Variants in FIGNL1 observed in about 807,000 individuals in gnomAD.
FIGNL1 encodes fidgetin like 1.
FIGNL1 carries 11 observed loss-of-function variants against 28.9 expected under a neutral mutation model. The ratio of observed to expected loss-of-function variants is 0.38; its 90% confidence interval spans 0.24 to 0.63. The LOEUF (loss-of-function observed/expected upper bound fraction) is 0.63. Among genes scored for constraint, FIGNL1 ranks in the 20% least tolerant of loss-of-function variants. The probability of loss-of-function intolerance (pLI) is 0.57; values close to 1 mark genes in which losing one functional copy is unlikely to be tolerated. For synonymous variants in FIGNL1, 295 were observed against 276.5 expected, an observed-to-expected ratio of 1.07 and a Z score of -0.66; for missense variants, 789 against 810.4, an observed-to-expected ratio of 0.97 and a Z score of 0.32.
At position 50,447,008 on chromosome 7, in the gene FIGNL1, G is replaced by A; in HGVS notation, c.280C>T (p.Gln94Ter). Residue 94 changes from glutamine (Q) to a stop codon, truncating the protein, a stop_gained, in exon 4 of 4, where the codon CAA becomes TAA. Coordinates refer to ENST00000433017, the MANE Select transcript of FIGNL1 (RefSeq NM_001287492.4). LOFTEE classifies it low-confidence loss of function (END_TRUNC). ...GACTGCCACTTGTCACTATCTGTTTGTTGAGATCCTGCCAAAGTTAAAATG... is the reference window on the plus strand; with the variant it reads ...GACTGCCACTTGTCACTATCTGTTTATTGAGATCCTGCCAAAGTTAAAATG... ...ENILTLAGSQ[Q>*]TDSDKWQSGL... 6.2e-7 allele frequency: 1 copy of A among 1,614,204 alleles called. No homozygotes were observed. The highest frequency in any genetic ancestry group is 1.1e-5 in the South Asian group (1 of 91,086).
At chr7:50,449,816 T>C (rs1821666249) in intron 1 of FIGNL1, 93 bp from the exon 2 acceptor site, 1 of 152,268 alleles carries the variant, frequency 6.6e-6, no homozygotes, top group African/African-American at 2.4e-5. Context: ...GAAAATACTC[T>C]ATAAAATACT....
chr7:50,447,685 G>A (rs1204421672), intron 3 of FIGNL1, among the ~76,000 whole-genome samples: 2 of 152,214 alleles, frequency 1.3e-5, no homozygotes, highest in Non-Finnish European at 2.9e-5. Flanking sequence ...ATAAAACTAG[G>A]TGAATGAGCT....
Position 50,446,599 on chromosome 7 carries a change from C to G in FIGNL1, c.689G>C (p.Ser230Thr), listed in dbSNP as rs144297981. Reference protein sequence around the residue: ...LFGNVKKENHSSAKENIGLNV... With the variant: ...LFGNVKKENHTSAKENIGLNV... ...AAGTCCTATGTTTTCTTTTGCAGAG[C>G]TGTGATTTTCCTTTTTGACATTTCC... Residue 230 changes from serine (S) to threonine (T), a missense_variant, in exon 4 of 4, where the codon AGC becomes ACC. By Grantham distance (58) the Ser-to-Thr change is moderately conservative. Coordinates refer to ENST00000433017, the MANE Select transcript of FIGNL1 (RefSeq NM_001287492.4). The G allele has an allele frequency of 6.2e-7, 1 of 1,614,120 alleles. No homozygotes were observed. Among genetic ancestry groups the G allele is most frequent in the East Asian group, 2.2e-5 (1 of 44,888 alleles).
Position 50,446,846 on chromosome 7 carries a change from G to T in FIGNL1, c.442C>A (p.Leu148Ile). Residue 148 changes from leucine to isoleucine, a missense_variant, in exon 4 of 4, where the codon CTT becomes ATT. Leu to Ile is a conservative substitution (Grantham distance 5). Coordinates refer to ENST00000433017, the MANE Select transcript of FIGNL1 (RefSeq NM_001287492.4). The part of the protein sequence containing the change: ...VIHKEATVFD[L>I]PKFSVCGSSQ... ...CTACCACAAACACTAAATTTAGGAA[G>T]ATCAAAGACAGTGGCCTCCTTATGG... is the stretch of plus-strand genomic sequence containing the variant. The T allele has an allele frequency of 6.2e-7, 1 of 1,614,122 alleles. No individual in the cohort carries two copies. The highest frequency in any genetic ancestry group is 2.2e-5 in the East Asian group (1 of 44,884).
In FIGNL1 at chr7:50,445,217, T is replaced by A; in HGVS notation, c.*46A>T. On this transcript the variant is annotated 3_prime_UTR_variant, in exon 4 of 4. Coordinates refer to ENST00000433017, the MANE Select transcript of FIGNL1 (RefSeq NM_001287492.4). Reference sequence around the variant, plus strand: ...ATCCCCAACTTTCTATGCTAAAAAATAAAGAAGACTGTACTACAGAGATGC... The same window carrying A: ...ATCCCCAACTTTCTATGCTAAAAAAAAAAGAAGACTGTACTACAGAGATGC... The A allele has an allele frequency of 8.2e-7, 1 of 1,223,856 alleles. No homozygotes were observed. Among genetic ancestry groups the A allele is most frequent in the East Asian group, 2.5e-5 (1 of 40,338 alleles). 75.8% of individuals were successfully genotyped at this position (1,223,856 alleles called of 1,614,324 possible).
In FIGNL1 at chr7:50,446,942, G is replaced by T. The variant is rs1417771834; in HGVS notation, c.346C>A (p.Gln116Lys). ...TTTTTGCCAGCTTGCATCATCTTCTGTACACTACTCATTTTGAAAACATTA... is the reference window on the plus strand; with the variant it reads ...TTTTTGCCAGCTTGCATCATCTTCTTTACACTACTCATTTTGAAAACATTA... ...INNVFKMSSV[Q>K]KMMQAGKKFK... Residue 116 changes from glutamine to lysine, a missense_variant, in exon 4 of 4, where the codon CAG becomes AAG. Coordinates refer to ENST00000433017, the MANE Select transcript of FIGNL1 (RefSeq NM_001287492.4). 1 of 1,614,034 alleles carries T rather than the reference G, an allele frequency of 6.2e-7. No homozygotes were observed. Among genetic ancestry groups the T allele is most frequent in the African/African-American group, 1.3e-5 (1 of 74,922 alleles).
rs769903405 is a variant in FIGNL1 at position 50,446,260 on chromosome 7, G to A, written c.1028C>T (p.Pro343Leu). Residue 343 changes from proline (P) to leucine (L), a missense_variant, in exon 4 of 4, where the codon CCT becomes CTT. Transcript: ENST00000433017. ...SRGILGKFVPPIPKQDGGEQN... is the reference protein window; with the variant it reads ...SRGILGKFVPLIPKQDGGEQN... ...CTCTCCCCCATCTTGCTTGGGTATA[G>A]GAGGAACAAACTTTCCAAGTATCCC... 2 of 1,614,116 alleles carry A rather than the reference G, an allele frequency of 1.2e-6. No homozygotes were observed. The highest frequency in any genetic ancestry group is 1.7e-6 in the Non-Finnish European group (2 of 1,180,036).
chr7:50,446,569 A>G lies in FIGNL1; in HGVS notation c.719T>C (p.Val240Ala). 1.9e-6 allele frequency: 3 copies of G among 1,614,168 alleles called. No individual in the cohort carries two copies. The highest frequency in any genetic ancestry group is 2.7e-5 in the African/African-American group (2 of 75,056). ...SSAKENIGLN[V>A]FLSNQSCFPA... ...AAAACAAGACTGGTTAGATAAGAAC[A>G]CATTAAGTCCTATGTTTTCTTTTGC... Residue 240 changes from valine (V) to alanine (A), a missense_variant, in exon 4 of 4, where the codon GTG (valine) becomes GCG (alanine). Val to Ala is a moderately conservative substitution (Grantham distance 64). Coordinates refer to ENST00000433017, the MANE Select transcript of FIGNL1 (RefSeq NM_001287492.4).
Position 50,446,753 on chromosome 7 carries a change from T to G in FIGNL1, c.535A>C (p.Ser179Arg), listed in dbSNP as rs1010210214. 6.2e-7 allele frequency: 1 copy of G among 1,614,206 alleles called. No homozygotes were observed. Among genetic ancestry groups the G allele is most frequent in the Middle Eastern group, 1.6e-4 (1 of 6,062 alleles). The change falls in exon 4 of 4, where the codon AGC becomes CGC. Residue 179 changes from serine (S) to arginine (R), a missense_variant. Physicochemically the swap from Ser to Arg is moderately radical, Grantham distance 110. Transcript: ENST00000433017. Reference sequence around the variant, plus strand: ...TTCTGAAGGAGTTTCAAACGATTGCTCTCCGGGAAGTCTTGGGTCCGGTCT... The same window carrying G: ...TTCTGAAGGAGTTTCAAACGATTGCGCTCCGGGAAGTCTTGGGTCCGGTCT... ...DRDRTQDFPE[S>R]NRLKLLQNAQ...
At position 50,446,760 on chromosome 7, in the gene FIGNL1, G is replaced by C. The variant is rs529394194; in HGVS notation, c.528C>G (p.Phe176Leu). Residue 176 changes from phenylalanine (F) to leucine (L), a missense_variant, in exon 4 of 4, where the codon TTC becomes TTG. Phe to Leu is a conservative substitution (Grantham distance 22). Transcript: ENST00000433017. ...SAHDRDRTQD[F>L]PESNRLKLLQ... is the part of the protein sequence containing the mutation. ...GGAGTTTCAAACGATTGCTCTCCGG[G>C]AAGTCTTGGGTCCGGTCTCGATCAT... The C allele has an allele frequency of 6.2e-7, 1 of 1,614,168 alleles. No individual in the cohort carries two copies. The highest frequency in any genetic ancestry group is 8.5e-7 in the Non-Finnish European group (1 of 1,180,042).
At chr7:50,448,074 C>G (rs902874435) in intron 3 of FIGNL1, 107 bp downstream of exon 3, 2 of 152,312 alleles carry the variant, frequency 1.3e-5, no homozygotes, top group African/African-American at 4.8e-5. Context: ...TGAGAGGAAC[C>G]ATTGGAAGAA....
Position 50,446,184 on chromosome 7 carries a change from TG to T in FIGNL1, c.1103del (p.Pro368GlnfsTer9). The T allele has an allele frequency of 1.2e-6, 2 of 1,614,234 alleles. No individual in the cohort carries two copies. Among genetic ancestry groups the T allele is most frequent in the Non-Finnish European group, 1.7e-6 (2 of 1,180,030 alleles). On this transcript the variant is annotated frameshift_variant, in exon 4 of 4. Coordinates refer to ENST00000433017, the MANE Select transcript of FIGNL1 (RefSeq NM_001287492.4). LOFTEE classifies it high-confidence loss of function. Reference protein sequence around the residue: ...CKPYGAGPTEPAHPVDERLKN... With the variant: ...CKPYGAGPTEXAHPVDERLKN... ...TCAGACGCTCATCAACTGGATGTGC[TG>T]GTTCTGTAGGTCCTGCCCCATAAGG... is the stretch of plus-strand genomic sequence containing the variant.
At position 50,447,231 on chromosome 7, in the gene FIGNL1, G is replaced by A. The variant is rs369809251; in HGVS notation, c.57C>T (p.Phe19=). The stretch of plus-strand genomic sequence containing the variant: ...CGGTACATATGCCAGATGTAATTGC[G>A]AAGTAATTCTTCTGCCATTCACTCA... ...VHLSEWQKNY[F]AITSGICTGP... is the part of the protein sequence containing the mutation. The change falls in exon 4 of 4, where the codon TTC becomes TTT. Residue 19 remains phenylalanine, a synonymous_variant. Coordinates refer to ENST00000433017, the MANE Select transcript of FIGNL1 (RefSeq NM_001287492.4). 30 of 1,610,948 alleles carry A rather than the reference G, an allele frequency of 1.9e-5. No homozygotes were observed. The highest frequency in any genetic ancestry group is 2.7e-5 in the African/African-American group (2 of 74,864).
Position 50,446,408 on chromosome 7 carries a change from T to C in FIGNL1, c.880A>G (p.Thr294Ala), listed in dbSNP as rs761247655. Residue 294 changes from threonine to alanine, a missense_variant, in exon 4 of 4, where the codon ACA (threonine) becomes GCA (alanine). By Grantham distance (58) the Thr-to-Ala change is moderately conservative. Coordinates refer to ENST00000433017, the MANE Select transcript of FIGNL1 (RefSeq NM_001287492.4). ...AATTGTTCTTTTGCAGTTTTAAATGTAGGCAGGCTGCTATCCTCCTTTGGG... is the reference window on the plus strand; with the variant it reads ...AATTGTTCTTTTGCAGTTTTAAATGCAGGCAGGCTGCTATCCTCCTTTGGG... The part of the protein sequence containing the change: ...NGPKEDSSLP[T>A]FKTAKEQLWV... The C allele has an allele frequency of 1.2e-6, 2 of 1,614,186 alleles. No individual in the cohort carries two copies. Among genetic ancestry groups the C allele is most frequent in the African/African-American group, 1.3e-5 (1 of 75,050 alleles).
chr7:50,448,585 A>G (rs916834393), intron 2 of FIGNL1: 5 of 152,250 alleles, frequency 3.3e-5, no homozygotes, highest in Admixed American at 1.3e-4. Context: ...TGCTAGATAT[A>G]TAGAATTTAC....
intron 3 of FIGNL1, 112 bp downstream of exon 3, chr7:50,448,069 G>C (rs1821351414): frequency 6.6e-6 from 1 of 152,246 alleles, no homozygotes; most frequent in African/African-American, 2.4e-5. Flanking sequence ...CAAAGTGAGA[G>C]GAACCATTGG....
At position 50,446,585 on chromosome 7, in the gene FIGNL1, T is replaced by A; in HGVS notation, c.703A>T (p.Asn235Tyr). ...GATAAGAACACATTAAGTCCTATGTTTTCTTTTGCAGAGCTGTGATTTTCC... is the reference window on the plus strand; with the variant it reads ...GATAAGAACACATTAAGTCCTATGTATTCTTTTGCAGAGCTGTGATTTTCC... ...KKENHSSAKE[N>Y]IGLNVFLSNQ... The change falls in exon 4 of 4, where the codon AAC becomes TAC. Residue 235 changes from asparagine to tyrosine, a missense_variant. Physicochemically the swap from Asn to Tyr is moderately radical, Grantham distance 143. Transcript: ENST00000433017. 6.2e-7 allele frequency: 1 copy of A among 1,614,136 alleles called. No individual in the cohort carries two copies. Among genetic ancestry groups the A allele is most frequent in the East Asian group, 2.2e-5 (1 of 44,890 alleles).
In FIGNL1 at chr7:50,445,737, A is replaced by G. The variant is rs2153527943; in HGVS notation, c.1551T>C (p.Ser517=). 6.2e-7 allele frequency: 1 copy of G among 1,614,230 alleles called. No individual in the cohort carries two copies. The highest frequency in any genetic ancestry group is 2.2e-5 in the East Asian group (1 of 44,896). The change falls in exon 4 of 4, where the codon TCT becomes TCC. Residue 517 remains serine (S), a synonymous_variant. Coordinates refer to ENST00000433017, the MANE Select transcript of FIGNL1 (RefSeq NM_001287492.4). ...SQRGDGEHES[S]RRIKTEFLVQ... ...CTAAAAATTCTGTTTTTATCCTTCTAGAAGATTCATGCTCACCATCTCCCC... is the reference window on the plus strand; with the variant it reads ...CTAAAAATTCTGTTTTTATCCTTCTGGAAGATTCATGCTCACCATCTCCCC...
At position 50,449,417 on chromosome 7, in the gene FIGNL1, A is replaced by G. The variant is rs1328277501; in HGVS notation, c.-419T>C. ...ATTTTGCCAATGTTCTGATTATTTT[A>G]ATAATGTCATTATCTGTCTTCCTAG... is the stretch of plus-strand genomic sequence containing the variant. On this transcript the variant is annotated 5_prime_UTR_variant, in exon 2 of 4. Coordinates refer to ENST00000433017, the MANE Select transcript of FIGNL1 (RefSeq NM_001287492.4). 3 of 152,218 alleles carry G rather than the reference A, an allele frequency of 2.0e-5. No individual in the cohort carries two copies. The highest frequency in any genetic ancestry group is 6.5e-5 in the Admixed American group (1 of 15,286). The allele number at this position is 152,218 out of a possible 1,614,324, so 9.4% of individuals were successfully genotyped here.
Sources: allele counts gnomAD v4.1 joint callset (sites outside exome capture counted in the v4.1 genomes callset), GRCh38; gene constraint gnomAD v4.1.1; transcripts MANE v1.5; gene names NCBI Gene and HGNC (gene_info 2026-07-23, HGNC 2026-07-21).